The following SLC44A5 variants were observed in gnomAD, a reference collection of about 807,000 sequenced individuals.
SLC44A5 encodes the protein choline transporter-like protein 5.
Under a neutral mutation model 101.8 loss-of-function variants are expected in SLC44A5, and 57 were observed. The ratio of observed to expected loss-of-function variants is 0.56; its 90% CI spans 0.45 to 0.70. The LOEUF is 0.70. Ranked by LOEUF, SLC44A5 falls within the 30% of genes least tolerant of loss-of-function variation. The pLI, the probability that SLC44A5 is intolerant of heterozygous loss-of-function variation, is 0.00. For synonymous variants in SLC44A5, 281 were observed against 290.9 expected, an observed-to-expected ratio of 0.97 and a Z score of 0.35; for missense variants, 737 against 853.1, an observed-to-expected ratio of 0.86 and a Z score of 1.70.
chr1:75,527,152 A>G (rs1275732647), intron 2 of SLC44A5, among the ~76,000 whole-genome samples: 1 of 147,864 alleles, frequency 6.8e-6, no homozygotes, highest in Non-Finnish European at 1.5e-5. Context: ...AAGAAAAAAA[A>G]AAGAAAAGAA....
intron 4 of SLC44A5, among the ~76,000 whole-genome samples, chr1:75,301,697 T>A (rs370204681): frequency 3.9e-5 from 6 of 152,302 alleles, no homozygotes; most frequent in African/African-American, 1.4e-4. Context: ...CTGTTATACT[T>A]GTATTACTTT....
chr1:75,678,240 C>T, the SLC44A5 span, among the ~76,000 whole-genome samples: 2 of 152,176 alleles, frequency 1.3e-5, no homozygotes, highest in African/African-American at 2.4e-5. Flanking sequence ...CAGGGAAGCT[C>T]GAACTGGGTG....
chr1:75,242,842 A>G (rs769375963), intron 8 of SLC44A5, 44 bp downstream of exon 8: 4 of 1,533,262 alleles, frequency 2.6e-6, no homozygotes, highest in Non-Finnish European at 3.5e-6. Context: ...AGATTGAAAA[A>G]AAAAGTTAAA....
At chr1:75,600,793 C>T (rs1171032120) in intron 1 of SLC44A5, among the ~76,000 whole-genome samples, 2 of 152,108 alleles carry the variant, frequency 1.3e-5, no homozygotes, top group Non-Finnish European at 2.9e-5. Context: ...GAGCAATAGG[C>T]TATACCATAT....
chr1:75,461,376 T>A (rs2101694183), intron 2 of SLC44A5, among the ~76,000 whole-genome samples: 1 of 152,350 alleles, frequency 6.6e-6, no homozygotes, highest in Admixed American at 6.5e-5. Context: ...ACACGTGTTA[T>A]CTTAATTGAA....
At chr1:75,327,711 A>G (rs902553800) in intron 4 of SLC44A5, among the ~76,000 whole-genome samples, 5 of 152,212 alleles carry the variant, frequency 3.3e-5, no homozygotes, top group Non-Finnish European at 7.3e-5. Context: ...AAAGATCTAA[A>G]TTAAATACCA....
intron 2 of SLC44A5, among the ~76,000 whole-genome samples, chr1:75,524,243 G>A (rs1477305302): frequency 6.6e-6 from 1 of 152,170 alleles, no homozygotes; most frequent in Non-Finnish European, 1.5e-5. Context: ...AGATGTGCTT[G>A]CTTCCCCTTC....
chr1:75,674,473 G>A, the SLC44A5 span, among the ~76,000 whole-genome samples: 22 of 152,048 alleles, frequency 1.4e-4, no homozygotes, highest in African/African-American at 3.9e-4. Flanking sequence ...TATGCCTCCC[G>A]TGTTCAAGCG....
chr1:75,638,191 T>C, the SLC44A5 span, among the ~76,000 whole-genome samples: 1 of 152,038 alleles, frequency 6.6e-6, no homozygotes, highest in African/African-American at 2.4e-5. Flanking sequence ...TATTGTCTTA[T>C]TATAATATTA....
chr1:75,694,094 G>C, the SLC44A5 span, among the ~76,000 whole-genome samples: 1 of 151,130 alleles, frequency 6.6e-6, no homozygotes, highest in African/African-American at 2.4e-5. Flanking sequence ...TTTATAAACA[G>C]ATGGAAATGA....
At chr1:75,243,065 T>C in intron 7 of SLC44A5, 54 bp from the exon 8 acceptor site, 1 of 1,535,266 alleles carries the variant, frequency 6.5e-7, no homozygotes. Context: ...ACCCAGGAAC[T>C]ACCTATAAAG....
chr1:75,480,115 T>C (rs577142264), intron 2 of SLC44A5, among the ~76,000 whole-genome samples: 156 of 152,314 alleles, frequency 1.0e-3, no homozygotes, highest in African/African-American at 3.6e-3. Flanking sequence ...AATCAATAAA[T>C]GTAATCCAGC....
At chr1:75,509,329 CTG>C (rs1393605838) in intron 2 of SLC44A5, among the ~76,000 whole-genome samples, 2 of 152,152 alleles carry the variant, frequency 1.3e-5, no homozygotes, top group African/African-American at 2.4e-5. Context: ...ATTTCTGAAA[CTG>C]TTTGATATCA....
chr1:75,688,803 T>G, the SLC44A5 span, among the ~76,000 whole-genome samples: 1 of 152,106 alleles, frequency 6.6e-6, no homozygotes, highest in Non-Finnish European at 1.5e-5. Context: ...AATTGAGAAG[T>G]TTTTGAAACA....
chr1:75,364,450 A>G (rs1196015748), intron 3 of SLC44A5, among the ~76,000 whole-genome samples: 2 of 152,164 alleles, frequency 1.3e-5, no homozygotes, highest in African/African-American at 4.8e-5. Context: ...ACTCACTATC[A>G]TGAGGACAGT....
At chr1:75,543,672 C>T (rs574129552) in intron 1 of SLC44A5, among the ~76,000 whole-genome samples, 5 of 97,338 alleles carry the variant, frequency 5.1e-5, no homozygotes, top group Admixed American at 1.4e-4. Context: ...CACATATATA[C>T]ACACATATAT....
intron 3 of SLC44A5, among the ~76,000 whole-genome samples, chr1:75,363,115 T>A (rs1659613648): frequency 6.6e-6 from 1 of 152,204 alleles, no homozygotes; most frequent in South Asian, 2.1e-4. Context: ...TAAACATAGC[T>A]ACCCCTGCTC....
chr1:75,508,149 AT>A (rs1002800071), intron 2 of SLC44A5, among the ~76,000 whole-genome samples: 25 of 152,198 alleles, frequency 1.6e-4, no homozygotes, highest in Non-Finnish European at 1.3e-4. Context: ...TTTAAAAAAA[AT>A]CATACCAATC....
At chr1:75,356,904 T>C (rs1455851687) in intron 3 of SLC44A5, among the ~76,000 whole-genome samples, 1 of 152,216 alleles carries the variant, frequency 6.6e-6, no homozygotes, top group Non-Finnish European at 1.5e-5. Context: ...TTGTAGCCTA[T>C]GAGCAGTAGA....
Sources: gnomAD v4.1 joint callset for allele counts (sites outside exome capture counted in the v4.1 genomes callset) on GRCh38, gnomAD v4.1.1 for gene constraint, MANE v1.5 for transcripts, NCBI Gene and HGNC (gene_info 2026-07-23, HGNC 2026-07-21) for gene names.